Variants in CDH13 observed in about 807,000 individuals in gnomAD.
CDH13 encodes the protein cadherin-13.
CDH13 carries 24 observed loss-of-function variants against 63.8 expected under a neutral mutation model. The observed-to-expected ratio is 0.38, with a 90% confidence interval of 0.27 to 0.53. The LOEUF (loss-of-function observed/expected upper bound fraction) is 0.53, where lower values mean the gene tolerates loss of function less well. Among genes scored for constraint, CDH13 ranks in the 20% least tolerant of loss-of-function variants. CDH13 has a pLI of 0.85. For synonymous variants in CDH13, 503 were observed against 355.3 expected, an observed-to-expected ratio of 1.42 and a Z score of -4.67; for missense variants, 1,049 against 903.1, an observed-to-expected ratio of 1.16 and a Z score of -2.07.
intron 3 of CDH13, among the ~76,000 whole-genome samples, chr16:83,054,908 G>A (rs4783313): frequency 0.19 from 29,117 of 151,910 alleles, 5,613 homozygotes; most frequent in African/African-American, 0.49. Flanking sequence ...CAGTGTTCAC[G>A]TGGAATACTT....
At chr16:83,222,763 A>G (rs1024538324) in intron 5 of CDH13, among the ~76,000 whole-genome samples, 10 of 152,180 alleles carry the variant, frequency 6.6e-5, no homozygotes, top group African/African-American at 2.2e-4. Flanking sequence ...TAAAGAGTAC[A>G]GGTAGCCATT....
chr16:82,655,866 C>A (rs1355125217), intron 1 of CDH13, among the ~76,000 whole-genome samples: 5 of 152,116 alleles, frequency 3.3e-5, no homozygotes, highest in African/African-American at 1.2e-4. Flanking sequence ...GCCTTCGGGT[C>A]ATGGCTCACT....
rs188195065 is a variant in CDH13, at chr16:82,664,700, G to T, written c.45+37563G>T. 1.6e-4 allele frequency among the ~76,000 whole-genome samples: 24 copies of T among 152,224 alleles called. No homozygotes were observed. In the East Asian group the frequency reaches 4.4e-3, roughly 28 times the overall value. On this transcript the variant is annotated intron_variant, in intron 1 of 13. Coordinates refer to ENST00000567109, the MANE Select transcript of CDH13 (RefSeq NM_001257.5). Reference sequence around the variant, plus strand: ...AGAGAAGAAAATCTTGTTAATACTTGCTTATTAACTAACAATTTCACTTTA... The same window carrying T: ...AGAGAAGAAAATCTTGTTAATACTTTCTTATTAACTAACAATTTCACTTTA...
At chr16:82,984,201 C>A (rs1463589206) in intron 2 of CDH13, among the ~76,000 whole-genome samples, 1 of 152,218 alleles carries the variant, frequency 6.6e-6, no homozygotes, top group African/African-American at 2.4e-5. Context: ...ACTCTAAAAC[C>A]TTCTTTCCCT....
chr16:82,778,747 G>A (rs993226080), intron 1 of CDH13, among the ~76,000 whole-genome samples: 1 of 151,960 alleles, frequency 6.6e-6, no homozygotes, highest in Non-Finnish European at 1.5e-5. Context: ...ATGAACAACA[G>A]CTTTAAAGCA....
intron 13 of CDH13, among the ~76,000 whole-genome samples, chr16:83,792,957 A>G (rs912786923): frequency 2.8e-4 from 43 of 152,248 alleles, no homozygotes; most frequent in African/African-American, 1.0e-3. Flanking sequence ...AGAGTGCCTC[A>G]AAACATCTGA....
chr16:83,238,978 G>A (rs1904290764), intron 5 of CDH13, among the ~76,000 whole-genome samples: 1 of 152,166 alleles, frequency 6.6e-6, no homozygotes, highest in South Asian at 2.1e-4. Context: ...CGAGAGATAA[G>A]TCAAAGTCAG....
At chr16:83,753,149 A>G (rs952224104) in intron 11 of CDH13, among the ~76,000 whole-genome samples, 1 of 152,230 alleles carries the variant, frequency 6.6e-6, no homozygotes, top group Non-Finnish European at 1.5e-5. Context: ...AAAAGCCCTT[A>G]TAAATCAGAG....
At chr16:83,553,608 G>C (rs563112564) in intron 7 of CDH13, among the ~76,000 whole-genome samples, 1 of 152,318 alleles carries the variant, frequency 6.6e-6, no homozygotes, top group South Asian at 2.1e-4. Context: ...CCAGGCTGGA[G>C]TGCTGAGGCA....
chr16:83,065,887 C>A (rs752818752), intron 3 of CDH13, among the ~76,000 whole-genome samples: 14 of 152,086 alleles, frequency 9.2e-5, no homozygotes, highest in Admixed American at 2.0e-4. Flanking sequence ...CTAAACCATG[C>A]CACACCACTG....
chr16:83,312,757 C>T (rs1218710471), intron 5 of CDH13, among the ~76,000 whole-genome samples: 2 of 152,204 alleles, frequency 1.3e-5, no homozygotes, highest in South Asian at 2.1e-4. Flanking sequence ...ACCACAAAAG[C>T]TCAATCACTT....
chr16:82,742,876 A>G (rs764115747), intron 1 of CDH13, among the ~76,000 whole-genome samples: 1 of 152,228 alleles, frequency 6.6e-6, no homozygotes, highest in Non-Finnish European at 1.5e-5. Flanking sequence ...CCATGAGTCC[A>G]TTAAAAACAA....
chr16:83,090,303 C>T lies in CDH13; in HGVS notation c.367-35082C>T, dbSNP rs142696863. Among the ~76,000 whole-genome samples, 995 of 152,170 alleles carry T rather than the reference C, an allele frequency of 6.5e-3. 13 individuals carry two copies. The highest frequency in any genetic ancestry group is 0.023 in the African/African-American group (947 of 41,508). ...AAGCCATTCGTTTGTGGGCCGGGCA[C>T]GGTGGCTCATGCCTGTAATCCCAGC... is the stretch of plus-strand genomic sequence containing the variant. On this transcript the variant is annotated intron_variant, in intron 3 of 13. Transcript: ENST00000567109.
intron 1 of CDH13, among the ~76,000 whole-genome samples, chr16:82,856,528 C>G (rs1250881636): frequency 6.6e-6 from 1 of 150,620 alleles, no homozygotes; most frequent in African/African-American, 2.4e-5. Flanking sequence ...ATAGTGAAAC[C>G]TCCTCAGTAC....
chr16:83,164,651 C>T (rs1242744994), intron 4 of CDH13, among the ~76,000 whole-genome samples: 2 of 148,382 alleles, frequency 1.3e-5, no homozygotes, highest in Non-Finnish European at 3.0e-5. Context: ...ACTTGGGAGG[C>T]GGAGGTTGCA....
intron 6 of CDH13, among the ~76,000 whole-genome samples, chr16:83,395,212 G>A (rs545588197): frequency 1.9e-4 from 29 of 151,616 alleles, no homozygotes; most frequent in African/African-American, 7.0e-4. Context: ...TACTTGGGAG[G>A]CTGAGGCAGG....
chr16:82,914,728 C>A (rs2041932465), intron 2 of CDH13, among the ~76,000 whole-genome samples: 1 of 152,204 alleles, frequency 6.6e-6, no homozygotes, highest in South Asian at 2.1e-4. Flanking sequence ...CACGGCTGTC[C>A]TGGCGTCCAC....
At chr16:82,936,165 G>T (rs1301628114) in intron 2 of CDH13, among the ~76,000 whole-genome samples, 1 of 152,220 alleles carries the variant, frequency 6.6e-6, no homozygotes, top group Middle Eastern at 3.4e-3. Flanking sequence ...CTAGTCCTTA[G>T]TTCCTGCCAG....
chr16:83,299,629 G>C (rs532135814), intron 5 of CDH13, among the ~76,000 whole-genome samples: 25 of 152,132 alleles, frequency 1.6e-4, no homozygotes, highest in Non-Finnish European at 2.2e-4. Context: ...TTTAGTGTTT[G>C]TTAAAGCATC....
Sources: allele counts gnomAD v4.1 joint callset (sites outside exome capture counted in the v4.1 genomes callset), GRCh38; gene constraint gnomAD v4.1.1; transcripts MANE v1.5; gene names NCBI Gene and HGNC (gene_info 2026-07-23, HGNC 2026-07-21).